The following COL6A5 variants were observed in gnomAD, a reference collection of about 807,000 sequenced individuals.
COL6A5 encodes collagen alpha-5(VI) chain.
In COL6A5, 48 loss-of-function variants were observed where a neutral mutation model predicts 65.6. That is an observed-to-expected ratio of 0.73 (90% CI 0.58 to 0.93). The LOEUF is 0.93. Among genes scored for constraint, COL6A5 ranks in the 40% least tolerant of loss-of-function variants. The pLI is 0.00. For synonymous variants in COL6A5, 291 were observed against 322.8 expected (o/e 0.90, Z 1.05); for missense variants, 914 against 928.3 (o/e 0.98, Z 0.20).
chr3:130,383,243 A>G (rs894444661), intron 4 of COL6A5, among the ~76,000 whole-genome samples: 2 of 152,030 alleles, frequency 1.3e-5, no homozygotes, highest in African/African-American at 4.8e-5. Context: ...AAGCACTTGA[A>G]ATGTAGCTAG....
At chr3:130,404,335 A>G (rs1577474597) in intron 13 of COL6A5, among the ~76,000 whole-genome samples, 1 of 152,218 alleles carries the variant, frequency 6.6e-6, no homozygotes. Flanking sequence ...CTGGATTTCT[A>G]TCACCTTAGA....
chr3:130,418,921 G>A (rs1414634868), exon 25 of COL6A5: 14 of 1,550,760 alleles, frequency 9.0e-6, no homozygotes, highest in African/African-American at 2.7e-5. Flanking sequence ...ACTGGGCAGC[G>A]AGGAAGACAG....
chr3:130,410,554 C>T (rs1937140917), intron 20 of COL6A5, 30 bp downstream of exon 20: 18 of 1,528,182 alleles, frequency 1.2e-5, no homozygotes, highest in Non-Finnish European at 1.6e-5. Context: ...TTTATTTCCC[C>T]TCCTTGCCAC....
At chr3:130,391,182 G>A in exon 7 of COL6A5, 1 of 1,546,896 alleles carries the variant, frequency 6.5e-7, no homozygotes, top group Non-Finnish European at 8.7e-7. Context: ...CTTTCAGATT[G>A]TAAAAGGATT....
At chr3:130,373,648 T>C (rs1935644097) in exon 2 of COL6A5, 1 of 1,535,786 alleles carries the variant, frequency 6.5e-7, no homozygotes, top group Middle Eastern at 1.7e-4. Context: ...AATGAAGATC[T>C]TGCTAATTAT....
At chr3:130,443,559 G>A in exon 4 of COL6A5, 1 of 1,599,700 alleles carries the variant, frequency 6.3e-7, no homozygotes. Flanking sequence ...TCAAAATGAT[G>A]GTTTCCAGTA....
At chr3:130,365,224 G>T (rs1250936641) in intron 1 of COL6A5, among the ~76,000 whole-genome samples, 1 of 152,172 alleles carries the variant, frequency 6.6e-6, no homozygotes, top group East Asian at 1.9e-4. Context: ...CTCAGAAGGA[G>T]TAATGAACGT....
chr3:130,417,680 T>A (rs1372010963), intron 24 of COL6A5, among the ~76,000 whole-genome samples: 4 of 152,082 alleles, frequency 2.6e-5, no homozygotes, highest in African/African-American at 4.8e-5. Flanking sequence ...ATGATTAACC[T>A]CATCGGAATC....
chr3:130,373,896 GT>G, intron 2 of COL6A5, among the ~76,000 whole-genome samples, 191 bp downstream of exon 2: 1 of 152,126 alleles, frequency 6.6e-6, no homozygotes, highest in East Asian at 1.9e-4. Flanking sequence ...CAGGAGTTAT[GT>G]TGCACCTGGC....
intron 4 of COL6A5, among the ~76,000 whole-genome samples, chr3:130,453,154 G>A (rs557928055): frequency 3.9e-5 from 6 of 152,134 alleles, no homozygotes; most frequent in East Asian, 1.9e-4. Context: ...CTCAGCTTAC[G>A]AGATGACAGG....
intron 1 of COL6A5, among the ~76,000 whole-genome samples, chr3:130,432,911 A>C (rs1382708529): frequency 6.6e-6 from 1 of 152,170 alleles, no homozygotes; most frequent in African/African-American, 2.4e-5. Context: ...AAGAAACTTA[A>C]AAACCTCTTC....
intron 6 of COL6A5, among the ~76,000 whole-genome samples, chr3:130,389,747 GT>G (rs1936328434): frequency 6.6e-6 from 1 of 151,854 alleles, no homozygotes; most frequent in Non-Finnish European, 1.5e-5. Context: ...ACAAATTGTA[GT>G]GCTTTTAAAA....
intron 1 of COL6A5, among the ~76,000 whole-genome samples, chr3:130,353,068 A>G (rs570057964): frequency 3.9e-5 from 6 of 152,358 alleles, no homozygotes; most frequent in African/African-American, 1.4e-4. Context: ...AGTGAAAATT[A>G]TGAAACCTAA....
chr3:130,391,673 ACTAT>A (rs762195356), exon 7 of COL6A5: 7 of 1,551,520 alleles, frequency 4.5e-6, no homozygotes, highest in Non-Finnish European at 6.1e-6. Flanking sequence ...TAAAAACAAT[ACTAT>A]CTATGTAGAT....
chr3:130,380,223 TCATTGAACAATA>T (rs1002371667), intron 4 of COL6A5, among the ~76,000 whole-genome samples, 173 bp downstream of exon 4: 15 of 152,096 alleles, frequency 9.9e-5, no homozygotes, highest in African/African-American at 3.4e-4. Context: ...TTGCCAAAAA[TCATTGAACAATA>T]CACTTACAAG....
intron 20 of COL6A5, among the ~76,000 whole-genome samples, chr3:130,412,795 C>A (rs1469907648): frequency 1.3e-5 from 2 of 152,132 alleles, no homozygotes; most frequent in African/African-American, 4.8e-5. Context: ...GGAGCTGATA[C>A]TTGATCTGAT....
Position 130,389,110 on chromosome 3 carries a change from A to G in COL6A5, c.2392A>G (p.Ile798Val), listed in dbSNP as rs957455592. The G allele has an allele frequency of 4.2e-6, 6 of 1,442,170 alleles. No individual in the cohort carries two copies. In the African/African-American group the frequency reaches 8.6e-5, roughly 21 times the overall value. 89.3% of individuals were successfully genotyped at this position (1,442,170 alleles called of 1,614,324 possible). A position where few individuals can be genotyped will look rare whatever the true frequency, so the allele number is the denominator to read the frequency against. Residue 798 changes from isoleucine to valine, a missense_variant and NMD_transcript_variant, in exon 6 of 42, where the codon ATC becomes GTC. Physicochemically the swap from Ile to Val is conservative, Grantham distance 29. Transcript: ENST00000312481. Reference sequence around the variant, plus strand: ...TCTAAAGGCACTAGAAAGGAAACTTATCTTTCGTGTGTGTGCTCTCCATGG... The same window carrying G: ...TCTAAAGGCACTAGAAAGGAAACTTGTCTTTCGTGTGTGTGCTCTCCATGG...
At chr3:130,478,525 T>C (rs941990499) in intron 7 of COL6A5, among the ~76,000 whole-genome samples, 2 of 152,062 alleles carry the variant, frequency 1.3e-5, no homozygotes, top group Non-Finnish European at 2.9e-5. Flanking sequence ...CCTGAGAATG[T>C]ATTTGTGTCT....
At chr3:130,414,917 G>A (rs1937293030) in intron 22 of COL6A5, among the ~76,000 whole-genome samples, 1 of 152,092 alleles carries the variant, frequency 6.6e-6, no homozygotes, top group South Asian at 2.1e-4. Flanking sequence ...CTATGAGCTA[G>A]CAGTTTCTCT....
Sources: gnomAD v4.1 joint callset for allele counts (sites outside exome capture counted in the v4.1 genomes callset) on GRCh38, gnomAD v4.1.1 for gene constraint, MANE v1.5 for transcripts, NCBI Gene and HGNC (gene_info 2026-07-23, HGNC 2026-07-21) for gene names.